ARHGAP23: variants seen among roughly 807,000 people sequenced by gnomAD.
The protein encoded by ARHGAP23 is rho GTPase-activating protein 23.
ARHGAP23 carries 34 observed loss-of-function variants against 136.3 expected under a neutral mutation model. The observed-to-expected ratio is 0.25, with a 90% CI of 0.19 to 0.33. The LOEUF is 0.33. Ranked by LOEUF, ARHGAP23 falls within the 10% of genes least tolerant of loss-of-function variation. The pLI is 1.00. For synonymous variants in ARHGAP23, 832 were observed against 920.5 expected (o/e 0.90, Z 1.74); for missense variants, 1,808 against 2,139.0 (o/e 0.85, Z 3.05).
At chr17:38,457,921 T>G in intron 1 of ARHGAP23, 181 bp from the exon 2 acceptor site, 1 of 652,850 alleles carries the variant, frequency 1.5e-6, no homozygotes, top group South Asian at 2.0e-5. Context: ...ATTGGGCTGA[T>G]GAAGGTGGGA....
chr17:38,466,468 C>A lies in ARHGAP23; in HGVS notation c.785C>A (p.Ser262Ter). The A allele has an allele frequency of 2.0e-6, 3 of 1,520,374 alleles. No individual in the cohort carries two copies. Among genetic ancestry groups the A allele is most frequent in the Non-Finnish European group, 2.6e-6 (3 of 1,136,810 alleles). The allele number at this position is 1,520,374 out of a possible 1,614,324, so 94.2% of individuals were successfully genotyped here. Residue 262 changes from serine (S) to a stop codon, truncating the protein, a stop_gained, in exon 7 of 24, where the codon TCG (serine) becomes TAG (stop). Coordinates refer to ENST00000622683, the MANE Select transcript of ARHGAP23 (RefSeq NM_001199417.2). LOFTEE classifies it high-confidence loss of function. ...PSPGAFPHLS[S>*]EPRTPRAFPE... Reference sequence around the variant, plus strand: ...CCTGGTGCCTTCCCCCACCTCTCCTCGGAGCCCCGGACGCCCCGTGCCTTC... The same window carrying A: ...CCTGGTGCCTTCCCCCACCTCTCCTAGGAGCCCCGGACGCCCCGTGCCTTC...
intron 22 of ARHGAP23, among the ~76,000 whole-genome samples, 183 bp downstream of exon 22, chr17:38,498,693 C>G (rs1045665140): frequency 6.6e-6 from 1 of 152,166 alleles, no homozygotes; most frequent in Non-Finnish European, 1.5e-5. Context: ...CAGCTTGCCC[C>G]GTGCCCACCT....
rs558170403 is a variant in ARHGAP23 at position 38,435,079 on chromosome 17, C to G, written c.63+6531C>G. Among the ~76,000 whole-genome samples, 6 of 152,344 alleles carry G rather than the reference C, an allele frequency of 3.9e-5. No individual in the cohort carries two copies. In the South Asian group the frequency reaches 1.2e-3, roughly 32 times the overall value. ...AGCTGGAGGAATATCAGAGGCCACC[C>G]TCCTTCCCTGTCTCTCCATTTGCCT... is the stretch of plus-strand genomic sequence containing the variant. On this transcript the variant is annotated intron_variant, in intron 1 of 23. Transcript: ENST00000622683.
chr17:38,462,060 C>A (rs2039472124), intron 3 of ARHGAP23, among the ~76,000 whole-genome samples: 1 of 151,846 alleles, frequency 6.6e-6, no homozygotes, highest in African/African-American at 2.4e-5. Flanking sequence ...TCAAGCAATT[C>A]TTCTGCCTCA....
At chr17:38,490,229 T>TCTGTC in intron 18 of ARHGAP23, 54 bp downstream of exon 18, 1 of 1,515,244 alleles carries the variant, frequency 6.6e-7, no homozygotes. Flanking sequence ...CCTGAGCACC[T>TCTGTC]CTGTCCCAGG....
At position 38,477,527 on chromosome 17, in the gene ARHGAP23, A is replaced by G; in HGVS notation, c.2119-52A>G. ...GTCTGCTACTCTGAGAGCAGTGGGC[A>G]AAACTGGCCTCTCACCATTCCTGTC... is the stretch of plus-strand genomic sequence containing the variant. On this transcript the variant is annotated intron_variant, in intron 11 of 23. Transcript: ENST00000622683. The surrounding 1 kb of genome is among the most constrained non-coding windows in gnomAD (Gnocchi z 6.6). 2 of 1,209,800 alleles carry G rather than the reference A, an allele frequency of 1.7e-6. No homozygotes were observed. Among genetic ancestry groups the G allele is most frequent in the South Asian group, 2.7e-5 (1 of 36,916 alleles). 74.9% of individuals were successfully genotyped at this position (1,209,800 alleles called of 1,614,324 possible). A position where few individuals can be genotyped will look rare whatever the true frequency, so the allele number is the denominator to read the frequency against.
intron 14 of ARHGAP23, among the ~76,000 whole-genome samples, 183 bp from the exon 15 acceptor site, chr17:38,481,839 C>A (rs2040050112): frequency 6.6e-6 from 1 of 152,178 alleles, no homozygotes; most frequent in Admixed American, 6.5e-5. Context: ...TGGGCCTCTC[C>A]TTTGGGGTAA....
At position 38,440,282 on chromosome 17, in the gene ARHGAP23, G is replaced by A. The variant is rs555716587; in HGVS notation, c.63+11734G>A. ...GATCCTCCGAACTCGGCCTCCCAAAGTGCTGGGATTACAGGCATGAGGCAC... is the reference window on the plus strand; with the variant it reads ...GATCCTCCGAACTCGGCCTCCCAAAATGCTGGGATTACAGGCATGAGGCAC... On this transcript the variant is annotated intron_variant, in intron 1 of 23. Coordinates refer to ENST00000622683, the MANE Select transcript of ARHGAP23 (RefSeq NM_001199417.2). Among the ~76,000 whole-genome samples the A allele has an allele frequency of 3.9e-5, 6 of 152,354 alleles. No individual in the cohort carries two copies. In the East Asian group the frequency reaches 1.2e-3, roughly 29 times the overall value.
At chr17:38,495,529 G>A (rs1231822743) in intron 20 of ARHGAP23, among the ~76,000 whole-genome samples, 2 of 152,062 alleles carry the variant, frequency 1.3e-5, no homozygotes, top group Non-Finnish European at 2.9e-5. Context: ...CACTGTGCCC[G>A]GCCAGAGCTT....
At chr17:38,463,739 A>G (rs2039515879) in intron 6 of ARHGAP23, among the ~76,000 whole-genome samples, 1 of 152,000 alleles carries the variant, frequency 6.6e-6, no homozygotes, top group African/African-American at 2.4e-5. Flanking sequence ...GGGTGTGTCC[A>G]CACAGGCACC....
chr17:38,480,703 C>G (rs954173786), intron 14 of ARHGAP23, among the ~76,000 whole-genome samples: 4 of 148,918 alleles, frequency 2.7e-5, no homozygotes, highest in African/African-American at 9.9e-5. Context: ...ACTTGGGAGG[C>G]TGAGACACGA....
chr17:38,487,701 T>C (rs1416549350), intron 17 of ARHGAP23, among the ~76,000 whole-genome samples: 1 of 151,896 alleles, frequency 6.6e-6, no homozygotes, highest in Non-Finnish European at 1.5e-5. Context: ...CCGTCTCTAC[T>C]AAAAATACAA....
Position 38,469,834 on chromosome 17 carries a change from C to G in ARHGAP23, c.1917-13C>G, listed in dbSNP as rs1222842355. The G allele has an allele frequency of 1.9e-6, 3 of 1,551,586 alleles. No individual in the cohort carries two copies. Among genetic ancestry groups the G allele is most frequent in the South Asian group, 2.4e-5 (2 of 84,068 alleles). ...GCTGCCCACATCCCTCACCCTCGACCCTCGCTTTCCAGGCGCCTGCCAAAC... is the reference window on the plus strand; with the variant it reads ...GCTGCCCACATCCCTCACCCTCGACGCTCGCTTTCCAGGCGCCTGCCAAAC... On this transcript the variant is annotated splice_polypyrimidine_tract_variant and intron_variant, in intron 9 of 23. Transcript: ENST00000622683.
chr17:38,466,351 C>A lies in ARHGAP23; in HGVS notation c.668C>A (p.Ala223Asp). ...SALPSDPRSPAAWSDPGLRVP... is the reference protein window; with the variant it reads ...SALPSDPRSPDAWSDPGLRVP... The stretch of plus-strand genomic sequence containing the variant: ...CTGCCCAGTGACCCCCGGAGTCCTG[C>A]TGCCTGGAGTGACCCGGGGCTCCGT... The change falls in exon 7 of 24, where the codon GCT becomes GAT. Residue 223 changes from alanine (A) to aspartate (D), a missense_variant. This residue lies in a region of ARHGAP23 where 859 missense variants were observed against 936.4 expected (regional missense o/e 0.92). Coordinates refer to ENST00000622683, the MANE Select transcript of ARHGAP23 (RefSeq NM_001199417.2). 6.5e-7 allele frequency: 1 copy of A among 1,541,592 alleles called. No homozygotes were observed.
intron 6 of ARHGAP23, among the ~76,000 whole-genome samples, chr17:38,463,928 A>G (rs552970492): frequency 2.2e-4 from 34 of 152,092 alleles, no homozygotes; most frequent in Middle Eastern, 3.4e-3. Flanking sequence ...AGACAACCAC[A>G]CAAGCACCCA....
In ARHGAP23 at chr17:38,466,791, C is replaced by T; in HGVS notation, c.1108C>T (p.Leu370=). 6.5e-7 allele frequency: 1 copy of T among 1,549,382 alleles called. No individual in the cohort carries two copies. ...RSAEALGPGA[L]VSPRFERCGW... Reference sequence around the variant, plus strand: ...TGCCGAGGCACTGGGGCCAGGGGCACTGGTGTCACCCCGCTTTGAGCGGTG... The same window carrying T: ...TGCCGAGGCACTGGGGCCAGGGGCATTGGTGTCACCCCGCTTTGAGCGGTG... Residue 370 remains leucine, a synonymous_variant, in exon 7 of 24, where the codon CTG becomes TTG. Transcript: ENST00000622683.
intron 1 of ARHGAP23, among the ~76,000 whole-genome samples, chr17:38,447,397 T>TCGCCA (rs1470399127): frequency 8.5e-6 from 1 of 117,802 alleles, no homozygotes; most frequent in East Asian, 2.8e-4. Context: ...AGCCGAGATC[T>TCGCCA]CGCCACTTCA....
At chr17:38,500,061 C>T (rs2040487807) in intron 22 of ARHGAP23, among the ~76,000 whole-genome samples, 2 of 152,190 alleles carry the variant, frequency 1.3e-5, no homozygotes, top group Admixed American at 6.5e-5. Flanking sequence ...TCCTGCGTCC[C>T]ACCCACTTCA....
Position 38,467,032 on chromosome 17 carries a change from A to G in ARHGAP23, c.1349A>G (p.Asn450Ser). Residue 450 changes from asparagine to serine, a missense_variant, in exon 7 of 24, where the codon AAC (asparagine) becomes AGC (serine). Physicochemically the swap from Asn to Ser is conservative, Grantham distance 46. Around this residue, in one of 7 missense-constraint regions of ARHGAP23, gnomAD observed 859 missense variants for 936.4 expected, o/e 0.92. Transcript: ENST00000622683. Reference sequence around the variant, plus strand: ...CCCTTTGGGGGGCTGCCTACCTTCAACCTGGCCCAGTCCCCTGCGTCATTC... The same window carrying G: ...CCCTTTGGGGGGCTGCCTACCTTCAGCCTGGCCCAGTCCCCTGCGTCATTC... Reference protein sequence around the residue: ...DSPFGGLPTFNLAQSPASFPP... With the variant: ...DSPFGGLPTFSLAQSPASFPP... The G allele has an allele frequency of 6.4e-7, 1 of 1,550,752 alleles. No individual in the cohort carries two copies. The highest frequency in any genetic ancestry group is 8.7e-7 in the Non-Finnish European group (1 of 1,146,948).
Sources: allele counts gnomAD v4.1 joint callset (sites outside exome capture counted in the v4.1 genomes callset), GRCh38; gene constraint gnomAD v4.1.1; regional missense constraint gnomAD v4.1.1; non-coding constraint Gnocchi (gnomAD v3.1); transcripts MANE v1.5; gene names NCBI Gene and HGNC (gene_info 2026-07-23, HGNC 2026-07-21).